Variants in SUPT3H observed in about 807,000 individuals in gnomAD.
SUPT3H encodes transcription initiation protein SPT3 homolog.
Under a neutral mutation model 44.3 loss-of-function variants are expected in SUPT3H, and 44 were observed. The observed-to-expected ratio is 0.99, with a 90% confidence interval of 0.78 to 1.28. The LOEUF (loss-of-function observed/expected upper bound fraction) is 1.28. SUPT3H is among the 50% of genes most tolerant of loss of function. The pLI is 0.00. For synonymous variants in SUPT3H, 124 were observed against 125.6 expected, an observed-to-expected ratio of 0.99 and a Z score of 0.09; for missense variants, 380 against 387.1, an observed-to-expected ratio of 0.98 and a Z score of 0.15.
At position 44,984,991 on chromosome 6, in the gene SUPT3H, G is replaced by A. The variant is rs975746074; in HGVS notation, c.504+18662C>T. ...GCTTGATGAAAGAGTTTTGGGGGAT[G>A]ACGGACAGTTTTGTGTCATTGAAAA... On this transcript the variant is annotated intron_variant, in intron 6 of 10. Transcript: ENST00000371459. Among the ~76,000 whole-genome samples the A allele has an allele frequency of 2.0e-5, 3 of 151,674 alleles. No individual in the cohort carries two copies. In the South Asian group the frequency reaches 6.3e-4, roughly 32 times the overall value.
intron 2 of SUPT3H, among the ~76,000 whole-genome samples, chr6:45,277,862 G>T (rs1777282860): frequency 6.6e-6 from 1 of 152,052 alleles, no homozygotes; most frequent in Non-Finnish European, 1.5e-5. Flanking sequence ...ACTAAATGTT[G>T]ATTTCATTTT....
intron 2 of SUPT3H, among the ~76,000 whole-genome samples, chr6:45,231,381 G>A (rs1376408486): frequency 1.3e-5 from 2 of 152,098 alleles, no homozygotes; most frequent in Non-Finnish European, 2.9e-5. Context: ...TGCTTGGCTG[G>A]CAGGGTTTTT....
chr6:44,895,573 A>G (rs1764005557), intron 10 of SUPT3H, among the ~76,000 whole-genome samples: 1 of 152,218 alleles, frequency 6.6e-6, no homozygotes, highest in African/African-American at 2.4e-5. Flanking sequence ...CAAAACAAGC[A>G]ATAACAAAAC....
intron 2 of SUPT3H, among the ~76,000 whole-genome samples, chr6:45,181,850 AAAACTT>A (rs1215495080): frequency 6.9e-6 from 1 of 144,684 alleles, no homozygotes; most frequent in East Asian, 2.1e-4. Context: ...CATGTACCCT[AAAACTT>A]AAAGTATAAT....
At chr6:45,175,865 T>C (rs142430740) in intron 2 of SUPT3H, among the ~76,000 whole-genome samples, 200 of 152,366 alleles carry the variant, frequency 1.3e-3, no homozygotes, top group African/African-American at 4.6e-3. Flanking sequence ...ATACCAGTTA[T>C]TCTCATGTGA....
At chr6:45,364,442 A>G (rs532222957) in intron 2 of SUPT3H, among the ~76,000 whole-genome samples, 116 of 152,300 alleles carry the variant, frequency 7.6e-4, no homozygotes, top group Non-Finnish European at 1.3e-3. Flanking sequence ...CTACCTGTTA[A>G]GTCATGAATA....
chr6:45,222,418 T>C (rs540022050), intron 2 of SUPT3H, among the ~76,000 whole-genome samples: 1 of 152,072 alleles, frequency 6.6e-6, no homozygotes, highest in East Asian at 1.9e-4. Flanking sequence ...GACATACAGA[T>C]GGCAAATAAG....
At chr6:45,110,182 A>G (rs1799840815) in intron 2 of SUPT3H, among the ~76,000 whole-genome samples, 2 of 152,212 alleles carry the variant, frequency 1.3e-5, no homozygotes, top group Non-Finnish European at 2.9e-5. Context: ...TCATGCAAAC[A>G]GTATTGGCTT....
At chr6:44,878,056 C>A (rs1406569713) in intron 10 of SUPT3H, among the ~76,000 whole-genome samples, 1 of 152,200 alleles carries the variant, frequency 6.6e-6, no homozygotes, top group East Asian at 1.9e-4. Context: ...CTAAAGGAGT[C>A]CTTCCAGGAC....
At chr6:45,110,208 T>C (rs939611922) in intron 2 of SUPT3H, among the ~76,000 whole-genome samples, 4 of 152,204 alleles carry the variant, frequency 2.6e-5, no homozygotes, top group African/African-American at 9.7e-5. Context: ...AATCCTGGGA[T>C]GAAATGTCTC....
At chr6:45,187,989 G>C (rs1814529176) in intron 2 of SUPT3H, among the ~76,000 whole-genome samples, 1 of 152,198 alleles carries the variant, frequency 6.6e-6, no homozygotes, top group South Asian at 2.1e-4. Context: ...ATTCTGGGTA[G>C]CATGATGAAA....
chr6:45,266,664 T>A (rs921896563), intron 2 of SUPT3H, among the ~76,000 whole-genome samples: 5 of 152,116 alleles, frequency 3.3e-5, no homozygotes, highest in African/African-American at 1.2e-4. Context: ...CTTTTTAAAA[T>A]CTTCTCATCT....
At chr6:45,073,323 A>G (rs1794630169) in intron 3 of SUPT3H, among the ~76,000 whole-genome samples, 1 of 152,006 alleles carries the variant, frequency 6.6e-6, no homozygotes, top group South Asian at 2.1e-4. Context: ...ATACCTTGTT[A>G]ATTAATTAGA....
intron 2 of SUPT3H, among the ~76,000 whole-genome samples, chr6:45,177,625 A>T (rs1249037876): frequency 6.6e-6 from 1 of 151,694 alleles, no homozygotes; most frequent in Non-Finnish European, 1.5e-5. Flanking sequence ...TGTCAGATTC[A>T]CCAAAGTTGA....
intron 2 of SUPT3H, among the ~76,000 whole-genome samples, chr6:45,181,866 TAATAATAAATAAATAAATA>T (rs1327412667): frequency 1.7e-5 from 1 of 58,542 alleles, no homozygotes. Flanking sequence ...TAAAGTATAA[TAATAATAAATAAATAAATA>T]AATAAATAAA....
At chr6:44,884,786 T>A (rs1205647396) in intron 10 of SUPT3H, among the ~76,000 whole-genome samples, 2 of 152,158 alleles carry the variant, frequency 1.3e-5, no homozygotes, top group African/African-American at 4.8e-5. Flanking sequence ...TGCAGCACAC[T>A]GTGGGCGAGC....
At chr6:45,172,803 G>A (rs1012341773) in intron 2 of SUPT3H, among the ~76,000 whole-genome samples, 2 of 151,560 alleles carry the variant, frequency 1.3e-5, no homozygotes, top group Non-Finnish European at 2.9e-5. Flanking sequence ...TGTTGGCTAG[G>A]CTGGTCTCGA....
chr6:45,299,189 T>C (rs1362622128), intron 2 of SUPT3H, among the ~76,000 whole-genome samples: 1 of 122,240 alleles, frequency 8.2e-6, no homozygotes, highest in Non-Finnish European at 1.9e-5. Flanking sequence ...CTACTGAAAG[T>C]ACAAAAAAAA....
intron 2 of SUPT3H, among the ~76,000 whole-genome samples, chr6:45,127,956 G>GT (rs1802692643): frequency 1.3e-5 from 2 of 152,064 alleles, no homozygotes. Flanking sequence ...TTTGCTTCCT[G>GT]TATTTTGAAG....
Sources: gnomAD v4.1 joint callset for allele counts (sites outside exome capture counted in the v4.1 genomes callset) on GRCh38, gnomAD v4.1.1 for gene constraint, MANE v1.5 for transcripts, NCBI Gene and HGNC (gene_info 2026-07-23, HGNC 2026-07-21) for gene names.